Variants in SDK1 observed in about 807,000 individuals in gnomAD.
The protein encoded by SDK1 is protein sidekick-1.
A neutral mutation model predicts 245.5 loss-of-function variants in SDK1; 157 were observed. The observed-to-expected ratio is 0.64, with a 90% CI of 0.56 to 0.73. The LOEUF (loss-of-function observed/expected upper bound fraction) is 0.73. SDK1 is among the 30% of genes least tolerant of loss of function. SDK1 has a pLI of 0.00. For synonymous variants in SDK1, 1,647 were observed against 1,278.5 expected, an observed-to-expected ratio of 1.29 and a Z score of -6.15; for missense variants, 3,583 against 3,002.3, an observed-to-expected ratio of 1.19 and a Z score of -4.52.
intron 5 of SDK1, among the ~76,000 whole-genome samples, chr7:3,941,126 G>C (rs545596089): frequency 6.6e-6 from 1 of 152,016 alleles, no homozygotes; most frequent in Non-Finnish European, 1.5e-5. Flanking sequence ...CAGCTCAAGC[G>C]AGAAACCTGG....
intron 1 of SDK1, among the ~76,000 whole-genome samples, chr7:3,577,746 C>T (rs546571020): frequency 1.3e-4 from 20 of 152,144 alleles, no homozygotes; most frequent in African/African-American, 4.6e-4. Context: ...GTGTTAGTAA[C>T]GAGTGCACTG....
intron 4 of SDK1, among the ~76,000 whole-genome samples, chr7:3,686,588 T>A (rs1784288358): frequency 6.6e-6 from 1 of 151,824 alleles, no homozygotes; most frequent in Admixed American, 6.6e-5. Flanking sequence ...TTTTCATAAA[T>A]CTAAATATGC....
intron 5 of SDK1, among the ~76,000 whole-genome samples, chr7:3,885,742 G>T (rs535104171): frequency 8.5e-5 from 13 of 152,126 alleles, no homozygotes; most frequent in African/African-American, 2.9e-4. Flanking sequence ...CTGTGATGCC[G>T]CCATGCCAAG....
At chr7:3,319,878 C>CTTTTTTTTTTTTTTTGTTTTTTTTTTTTT (rs1779755705) in intron 1 of SDK1, among the ~76,000 whole-genome samples, 1 of 88,100 alleles carries the variant, frequency 1.1e-5, no homozygotes, top group Non-Finnish European at 2.2e-5. Flanking sequence ...CATTCTTAGT[C>CTTTTTTTTTTTTTTTGTTTTTTTTTTTTT]TTTTTTTTTT....
At chr7:3,500,360 A>G (rs1046906810) in intron 1 of SDK1, among the ~76,000 whole-genome samples, 1 of 151,974 alleles carries the variant, frequency 6.6e-6, no homozygotes, top group African/African-American at 2.4e-5. Context: ...ATTCTTTGAG[A>G]TCTTGTAAAT....
At chr7:4,144,042 C>T (rs527989180) in intron 28 of SDK1, among the ~76,000 whole-genome samples, 1 of 152,178 alleles carries the variant, frequency 6.6e-6, no homozygotes, top group Non-Finnish European at 1.5e-5. Context: ...TGACTCCCTA[C>T]TCTCACTGTG....
chr7:3,938,308 T>C (rs577646657), intron 5 of SDK1, among the ~76,000 whole-genome samples: 75 of 152,296 alleles, frequency 4.9e-4, no homozygotes, highest in African/African-American at 1.8e-3. Flanking sequence ...TGATGGTTCT[T>C]CTATTCAGTG....
intron 5 of SDK1, among the ~76,000 whole-genome samples, chr7:3,875,796 ACC>A (rs1342021772): frequency 1.3e-5 from 2 of 152,026 alleles, no homozygotes; most frequent in Non-Finnish European, 2.9e-5. Flanking sequence ...CTTTGTGGAT[ACC>A]CCTGAAACCC....
intron 20 of SDK1, among the ~76,000 whole-genome samples, chr7:4,074,082 C>A (rs1412709033): frequency 6.6e-6 from 1 of 152,166 alleles, no homozygotes; most frequent in African/African-American, 2.4e-5. Context: ...CAATGCACTG[C>A]AATCCTAGTC....
chr7:3,658,646 C>G (rs911551089), intron 4 of SDK1, among the ~76,000 whole-genome samples: 1 of 126,844 alleles, frequency 7.9e-6, no homozygotes, highest in Admixed American at 9.6e-5. Context: ...GACTCACAGT[C>G]TGTCATCCAG....
chr7:3,514,579 G>C (rs576724962), intron 1 of SDK1, among the ~76,000 whole-genome samples: 2 of 152,226 alleles, frequency 1.3e-5, no homozygotes, highest in East Asian at 3.9e-4. Context: ...CACTGTCCTA[G>C]GTCAGTGCTC....
rs1290723820 is a variant in SDK1 at position 3,913,292 on chromosome 7, C to CTT, written c.848-37613_848-37612dup. ...CCTCTGACCTTTCTCTTACACTTAT[C>CTT]TTTTTTTTTTTTTTTTTTTGAGATG... is the stretch of plus-strand genomic sequence containing the variant. On this transcript the variant is annotated intron_variant, in intron 5 of 44. Transcript: ENST00000404826. 1.5e-3 allele frequency among the ~76,000 whole-genome samples: 203 copies of CTT among 135,164 alleles called. 3 individuals are homozygous for CTT. Among genetic ancestry groups the CTT allele is most frequent in the African/African-American group, 4.9e-3 (173 of 35,552 alleles). 88.7% of individuals were successfully genotyped at this position (135,164 alleles called of 152,430 possible).
intron 1 of SDK1, among the ~76,000 whole-genome samples, chr7:3,368,664 C>G (rs1781150227): frequency 2.0e-5 from 3 of 152,086 alleles, no homozygotes. Context: ...TCTTTATGTG[C>G]CCATTTGTCA....
chr7:3,507,289 A>AAT (rs1371509190), intron 1 of SDK1, among the ~76,000 whole-genome samples: 1 of 152,182 alleles, frequency 6.6e-6, no homozygotes, highest in Non-Finnish European at 1.5e-5. Flanking sequence ...TTCAGACAAA[A>AAT]ACCAAGGGGA....
chr7:3,701,700 G>A (rs954304612), intron 4 of SDK1, among the ~76,000 whole-genome samples: 1 of 152,074 alleles, frequency 6.6e-6, no homozygotes, highest in African/African-American at 2.4e-5. Flanking sequence ...AAGGTACAAA[G>A]GATCACTCTA....
At chr7:4,130,854 G>A (rs768632671) in intron 27 of SDK1, among the ~76,000 whole-genome samples, 7 of 152,160 alleles carry the variant, frequency 4.6e-5, no homozygotes, top group Admixed American at 1.3e-4. Flanking sequence ...CTGGGGATCG[G>A]AGTGGCTGAA....
At chr7:3,478,377 C>G (rs536754814) in intron 1 of SDK1, among the ~76,000 whole-genome samples, 8 of 151,872 alleles carry the variant, frequency 5.3e-5, no homozygotes, top group South Asian at 2.1e-4. Flanking sequence ...TATTAGTGCT[C>G]TTATAAATGA....
rs566338544 is a variant in SDK1 at position 3,542,384 on chromosome 7, C to T, written c.299-76696C>T. Among the ~76,000 whole-genome samples, 8 of 152,250 alleles carry T rather than the reference C, an allele frequency of 5.3e-5. No homozygotes were observed. The South Asian group carries it at 1.7e-3, about 32-fold the overall frequency. ...GCCTGTGCCTTGTAGCGATTTGGGG[C>T]ATGACCCTTTGCTTTACACCTGCAT... is the stretch of plus-strand genomic sequence containing the variant. On this transcript the variant is annotated intron_variant, in intron 1 of 44. Transcript: ENST00000404826.
At chr7:3,521,942 T>A (rs147810370) in intron 1 of SDK1, among the ~76,000 whole-genome samples, 3 of 152,154 alleles carry the variant, frequency 2.0e-5, no homozygotes, top group Non-Finnish European at 2.9e-5. Flanking sequence ...CTGGGAGTGA[T>A]CTGCAGGACA....
Sources: gnomAD v4.1 joint callset for allele counts (sites outside exome capture counted in the v4.1 genomes callset) on GRCh38, gnomAD v4.1.1 for gene constraint, MANE v1.5 for transcripts, NCBI Gene and HGNC (gene_info 2026-07-23, HGNC 2026-07-21) for gene names.